Variants in ANKRD17 observed in about 807,000 individuals in gnomAD.
The protein encoded by ANKRD17 is ankyrin repeat domain 17.
ANKRD17 carries 19 observed loss-of-function variants against 229.7 expected under a neutral mutation model. That is an observed-to-expected ratio of 0.08 (90% CI 0.06 to 0.12). The LOEUF is 0.12. ANKRD17 is among the 10% of genes least tolerant of loss of function. The probability of loss-of-function intolerance (pLI) is 1.00; values close to 1 mark genes in which losing one functional copy is unlikely to be tolerated. For synonymous variants in ANKRD17, 1,112 were observed against 1,146.1 expected, an observed-to-expected ratio of 0.97 and a Z score of 0.60; for missense variants, 2,176 against 3,176.8, an observed-to-expected ratio of 0.68 and a Z score of 7.57.
rs760342376 is a variant in ANKRD17 at position 73,135,309 on chromosome 4, T to C, written c.3086-44A>G. The C allele has an allele frequency of 7.0e-6, 11 of 1,566,396 alleles. No homozygotes were observed. In the South Asian group the frequency reaches 9.3e-5, roughly 13 times the overall value. ...GCACTTAATAAGGATGAAACATTGT[T>C]AAGTAATACTAAGACATATTCACTC... On this transcript the variant is annotated intron_variant, in intron 15 of 33. Transcript: ENST00000358602.
chr4:73,098,987 A>G, intron 25 of ANKRD17: 3 of 981,664 alleles, frequency 3.1e-6, no homozygotes, highest in Non-Finnish European at 4.9e-6. Flanking sequence ...AACACCTAAG[A>G]GACCTTGGGG....
intron 22 of ANKRD17, among the ~76,000 whole-genome samples, chr4:73,117,571 A>C (rs1309133782): frequency 6.6e-6 from 1 of 152,230 alleles, no homozygotes; most frequent in Non-Finnish European, 1.5e-5. Context: ...TCAAAAATAC[A>C]GAGTCACTGG....
At chr4:73,095,852 T>A (rs557088306) in intron 27 of ANKRD17, among the ~76,000 whole-genome samples, 1 of 151,940 alleles carries the variant, frequency 6.6e-6, no homozygotes, top group South Asian at 2.1e-4. Context: ...GCCCAGCTAA[T>A]TTTTTAATTT....
At chr4:73,155,962 G>A in intron 4 of ANKRD17, 57 bp downstream of exon 4, 1 of 1,525,714 alleles carries the variant, frequency 6.6e-7, no homozygotes, top group Non-Finnish European at 8.8e-7. Flanking sequence ...TATTTCCTTA[G>A]TAAGCAAGCC....
rs1369888602 is a variant in ANKRD17 at position 73,091,018 on chromosome 4, T to A, written c.6610A>T (p.Ser2204Cys). ...TGAGGTCTTTTAATGTGATTGACAC[T>A]GAGGACTGCAACAGATGAATTTTGC... ...SVQNSSVAVLSVNHIKRPHSV... is the reference protein window; with the variant it reads ...SVQNSSVAVLCVNHIKRPHSV... Residue 2204 changes from serine (S) to cysteine (C), a missense_variant, in exon 29 of 34, where the codon AGT becomes TGT. Ser to Cys is a moderately radical substitution (Grantham distance 112). Coordinates refer to ENST00000358602, the MANE Select transcript of ANKRD17 (RefSeq NM_032217.5). 1 of 1,614,106 alleles carries A rather than the reference T, an allele frequency of 6.2e-7. No homozygotes were observed. The highest frequency in any genetic ancestry group is 1.3e-5 in the African/African-American group (1 of 74,948).
At chr4:73,179,345 C>T (rs976201712) in intron 1 of ANKRD17, among the ~76,000 whole-genome samples, 1 of 148,584 alleles carries the variant, frequency 6.7e-6, no homozygotes, top group Non-Finnish European at 1.5e-5. Context: ...TCTATAACTC[C>T]TTATGGCAAG....
rs1318717038 is a variant in ANKRD17, at chr4:73,136,504, A to AT, written c.3086-1240dup. 9.9e-5 allele frequency among the ~76,000 whole-genome samples: 15 copies of AT among 152,266 alleles called. No homozygotes were observed. The East Asian group carries it at 2.5e-3, about 25-fold the overall frequency. On this transcript the variant is annotated intron_variant, in intron 15 of 33. Transcript: ENST00000358602. Reference sequence around the variant, plus strand: ...AGCAACACACATTCTATAATTATACATTTTTAAGTCCACTTAAAAGCCAAA... The same window carrying AT: ...AGCAACACACATTCTATAATTATACATTTTTTAAGTCCACTTAAAAGCCAAA...
chr4:73,185,156 C>G (rs946088061), intron 1 of ANKRD17, among the ~76,000 whole-genome samples: 1 of 151,636 alleles, frequency 6.6e-6, no homozygotes, highest in Admixed American at 6.6e-5. Flanking sequence ...TAACCCCATC[C>G]CCCATCTGAT....
intron 24 of ANKRD17, among the ~76,000 whole-genome samples, chr4:73,112,314 A>T (rs1252912439): frequency 6.6e-6 from 1 of 152,220 alleles, no homozygotes; most frequent in East Asian, 1.9e-4. Flanking sequence ...AAAAAACAAA[A>T]ATTTAAAGAA....
chr4:73,193,524 T>G (rs1737415079), intron 1 of ANKRD17, among the ~76,000 whole-genome samples: 1 of 151,980 alleles, frequency 6.6e-6, no homozygotes, highest in African/African-American at 2.4e-5. Context: ...ATCTTCTGGC[T>G]TTTCCCCCCT....
intron 1 of ANKRD17, among the ~76,000 whole-genome samples, chr4:73,233,460 C>T (rs1743243393): frequency 6.6e-6 from 1 of 152,108 alleles, no homozygotes; most frequent in African/African-American, 2.4e-5. Flanking sequence ...ATACTAGTCA[C>T]TAAAGGAAAT....
In ANKRD17 at chr4:73,075,246, G is replaced by A. The variant is rs969036109; in HGVS notation, c.*985C>T. Reference sequence around the variant, plus strand: ...ATCATCCAATATAAAATAGTACATTGAATTATTTAATAAACAGAATATTAA... The same window carrying A: ...ATCATCCAATATAAAATAGTACATTAAATTATTTAATAAACAGAATATTAA... On this transcript the variant is annotated 3_prime_UTR_variant, in exon 34 of 34. Transcript: ENST00000358602. The A allele has an allele frequency of 6.6e-6, 1 of 152,064 alleles. No homozygotes were observed. The highest frequency in any genetic ancestry group is 2.4e-5 in the African/African-American group (1 of 41,422). 9.4% of individuals were successfully genotyped at this position (152,064 alleles called of 1,614,324 possible).
At chr4:73,152,844 G>A (rs1034281401) in intron 6 of ANKRD17, among the ~76,000 whole-genome samples, 1 of 152,042 alleles carries the variant, frequency 6.6e-6, no homozygotes, top group Non-Finnish European at 1.5e-5. Context: ...GGGAACTAAG[G>A]GACCTCAGCT....
rs1161819866 is a variant in ANKRD17, at chr4:73,258,472, G to A, written c.197C>T (p.Pro66Leu). The A allele has an allele frequency of 1.3e-6, 2 of 1,596,942 alleles. No homozygotes were observed. Among genetic ancestry groups the A allele is most frequent in the East Asian group, 2.3e-5 (1 of 44,302 alleles). ...RVCDLLLKKKPPQQQHHKAKR... is the reference protein window; with the variant it reads ...RVCDLLLKKKLPQQQHHKAKR... ...GGCCTTGTGGTGCTGCTGCTGCGGC[G>A]GCTTCTTCTTCAGGAGCAGGTCGCA... The change falls in exon 1 of 34, where the codon CCG becomes CTG. Residue 66 changes from proline to leucine, a missense_variant. Around this residue, in one of 18 missense-constraint regions of ANKRD17, gnomAD observed 196 missense variants for 190.0 expected, o/e 1.03. Transcript: ENST00000358602.
At chr4:73,169,955 T>A (rs1275571906) in intron 2 of ANKRD17, among the ~76,000 whole-genome samples, 1 of 152,170 alleles carries the variant, frequency 6.6e-6, no homozygotes, top group African/African-American at 2.4e-5. Context: ...CAACACGGGC[T>A]GCAGTGTTCT....
At chr4:73,124,816 C>T (rs185311963) in intron 18 of ANKRD17, 97 bp downstream of exon 18, 19 of 1,407,288 alleles carry the variant, frequency 1.4e-5, no homozygotes, top group East Asian at 4.6e-5. Context: ...GAAATCTAAA[C>T]GTCAAAGCAT....
chr4:73,171,178 G>GGGGAGAGA lies in ANKRD17; in HGVS notation c.547+6201_547+6202insTCTCTCCC, dbSNP rs1553928534. Among the ~76,000 whole-genome samples the GGGGAGAGA allele has an allele frequency of 2.9e-3, 300 of 104,518 alleles. 2 individuals carry two copies. The highest frequency in any genetic ancestry group is 3.9e-3 in the Non-Finnish European group (209 of 54,258). 68.6% of individuals were successfully genotyped at this position (104,518 alleles called of 152,430 possible). On this transcript the variant is annotated intron_variant, in intron 2 of 33. Transcript: ENST00000358602. ...CCCAGCTCCACATGGCTCAGAGGGG[G>GGGGAGAGA]GAGAGAGAGAGAGAGAGAGAGAGAG...
At chr4:73,248,478 T>A (rs1023616583) in intron 1 of ANKRD17, among the ~76,000 whole-genome samples, 2 of 152,056 alleles carry the variant, frequency 1.3e-5, no homozygotes, top group Non-Finnish European at 2.9e-5. Context: ...TTTATGAATC[T>A]AGAAATAATG....
intron 24 of ANKRD17, 107 bp from the exon 25 acceptor site, chr4:73,102,654 A>G: frequency 7.7e-7 from 1 of 1,293,292 alleles, no homozygotes; most frequent in African/African-American, 1.5e-5. Context: ...ATAAAATTCA[A>G]AGTCATCTAG....
Sources: gnomAD v4.1 joint callset for allele counts (sites outside exome capture counted in the v4.1 genomes callset) on GRCh38, gnomAD v4.1.1 for gene constraint, gnomAD v4.1.1 regional missense constraint, MANE v1.5 for transcripts, NCBI Gene and HGNC (gene_info 2026-07-23, HGNC 2026-07-21) for gene names.